The following UBE3D variants were observed in gnomAD, a reference collection of about 807,000 sequenced individuals.
The protein encoded by UBE3D is ubiquitin protein ligase E3D.
In UBE3D, 48 loss-of-function variants were observed where a neutral mutation model predicts 49.6. The ratio of observed to expected loss-of-function variants is 0.97; its 90% confidence interval spans 0.77 to 1.23. The LOEUF is 1.23. UBE3D is among the 50% of genes most tolerant of loss of function. UBE3D has a pLI of 0.00. For missense variants in UBE3D, 452 were observed against 468.4 expected, an observed-to-expected ratio of 0.96 and a Z score of 0.32; for synonymous variants, 189 against 174.2, an observed-to-expected ratio of 1.08 and a Z score of -0.67.
intron 8 of UBE3D, among the ~76,000 whole-genome samples, chr6:82,974,201 G>A (rs982688810): frequency 6.6e-6 from 1 of 152,096 alleles, no homozygotes; most frequent in Non-Finnish European, 1.5e-5. Context: ...TAATGTGTAC[G>A]AATCATCCCC....
At chr6:83,007,046 G>T (rs1161015850) in intron 8 of UBE3D, among the ~76,000 whole-genome samples, 1 of 151,888 alleles carries the variant, frequency 6.6e-6, no homozygotes, top group Non-Finnish European at 1.5e-5. Flanking sequence ...AATATATATG[G>T]GTGTGGTTAC....
chr6:82,999,278 A>G lies in UBE3D; in HGVS notation c.1010+19695T>C, dbSNP rs141413639. Among the ~76,000 whole-genome samples, 129 of 152,304 alleles carry G rather than the reference A, an allele frequency of 8.5e-4. 1 individual carries two copies. Among genetic ancestry groups the G allele is most frequent in the African/African-American group, 3.0e-3 (125 of 41,566 alleles). On this transcript the variant is annotated intron_variant, in intron 8 of 9. Transcript: ENST00000369747. ...TCCTGCTCCTGAGGCTGGTCGGTCC[A>G]CCAGAGCTTGAGATACCAGACCTTT...
Position 83,044,539 on chromosome 6 carries a change from A to G in UBE3D, c.486T>C (p.Phe162=), listed in dbSNP as rs748765559. The change falls in exon 4 of 10, where the codon TTT becomes TTC. Residue 162 remains phenylalanine (F), a synonymous_variant. Coordinates refer to ENST00000369747, the MANE Select transcript of UBE3D (RefSeq NM_198920.3). ...TCACCAAGAAGAAAGAGTCTCCAAT[A>G]AAACAGTCATTCTCTTGCGGATGAA... ...KSLHPQENDC[F]IGDSFFLVNL... The G allele has an allele frequency of 8.7e-6, 14 of 1,614,056 alleles. No homozygotes were observed. Among genetic ancestry groups the G allele is most frequent in the South Asian group, 6.6e-5 (6 of 91,084 alleles).
chr6:83,041,689 CAA>C (rs1446872759), intron 4 of UBE3D, among the ~76,000 whole-genome samples: 1 of 151,616 alleles, frequency 6.6e-6, no homozygotes, highest in Non-Finnish European at 1.5e-5. Flanking sequence ...TCTAAGAAAA[CAA>C]AAAAGACACA....
At chr6:83,045,784 C>T (rs1051457406) in intron 3 of UBE3D, among the ~76,000 whole-genome samples, 17 of 152,190 alleles carry the variant, frequency 1.1e-4, no homozygotes, top group Non-Finnish European at 1.8e-4. Context: ...AAACTACACA[C>T]TTTGAATTCC....
chr6:82,892,764 T>C lies in UBE3D; in HGVS notation c.*258A>G, dbSNP rs113248948. On this transcript the variant is annotated 3_prime_UTR_variant, in exon 10 of 10. Coordinates refer to ENST00000369747, the MANE Select transcript of UBE3D (RefSeq NM_198920.3). The stretch of plus-strand genomic sequence containing the variant: ...TGTGAATATTCCTCTCTGTGGGAAA[T>C]AGAGATGTAACTTCTACACTTGCCT... 12,546 of 477,670 alleles carry C rather than the reference T, an allele frequency of 0.026. 220 individuals are homozygous for C. Among genetic ancestry groups the C allele is most frequent in the South Asian group, 0.036 (1,773 of 49,448 alleles). 29.6% of individuals were successfully genotyped at this position (477,670 alleles called of 1,614,324 possible). A position where few individuals can be genotyped will look rare whatever the true frequency, so the allele number is the denominator to read the frequency against.
chr6:82,937,433 C>T (rs746767596), intron 9 of UBE3D, among the ~76,000 whole-genome samples: 6 of 152,184 alleles, frequency 3.9e-5, no homozygotes, highest in Admixed American at 2.0e-4. Context: ...CAATCTTGAT[C>T]CCACTTTGTT....
chr6:82,918,400 G>C (rs539774051), intron 9 of UBE3D, among the ~76,000 whole-genome samples: 4 of 151,990 alleles, frequency 2.6e-5, no homozygotes, highest in African/African-American at 9.6e-5. Flanking sequence ...TTATTATAAA[G>C]GTACAAGGTT....
intron 8 of UBE3D, among the ~76,000 whole-genome samples, chr6:82,992,797 C>A (rs1233782548): frequency 1.3e-5 from 2 of 152,060 alleles, no homozygotes; most frequent in Non-Finnish European, 2.9e-5. Context: ...ATAGTGATGT[C>A]ATTTGACATA....
chr6:83,057,814 A>AAT lies in UBE3D; in HGVS notation c.274+10_274+11dup. The AAT allele has an allele frequency of 6.2e-7, 1 of 1,612,906 alleles. No homozygotes were observed. Among genetic ancestry groups the AAT allele is most frequent in the East Asian group, 2.2e-5 (1 of 44,874 alleles). On this transcript the variant is annotated intron_variant, in intron 2 of 9. Transcript: ENST00000369747. ...AGGTAAATACAGCAGCAGAAGTGCT[A>AAT]ATATTACTCACTTGTGCCTAATTTT... is the stretch of plus-strand genomic sequence containing the variant.
At chr6:83,043,882 C>A (rs551590832) in intron 4 of UBE3D, among the ~76,000 whole-genome samples, 1 of 152,324 alleles carries the variant, frequency 6.6e-6, no homozygotes, top group African/African-American at 2.4e-5. Context: ...ACTTATGCAG[C>A]AAGAGCCACC....
chr6:82,935,424 G>A (rs1458584442), intron 9 of UBE3D, among the ~76,000 whole-genome samples: 2 of 151,974 alleles, frequency 1.3e-5, no homozygotes, highest in Admixed American at 1.3e-4. Flanking sequence ...ATTTGGATGG[G>A]GACAAATATT....
intron 3 of UBE3D, among the ~76,000 whole-genome samples, chr6:83,048,007 G>A (rs907143229): frequency 6.0e-5 from 9 of 150,592 alleles, no homozygotes; most frequent in Non-Finnish European, 1.2e-4. Flanking sequence ...GCCTGAACCC[G>A]GGAGGCGGAG....
At chr6:82,882,058 ATTCCCTACTG>A in the UBE3D span, among the ~76,000 whole-genome samples, 2 of 152,116 alleles carry the variant, frequency 1.3e-5, no homozygotes, top group Non-Finnish European at 2.9e-5. Context: ...AAAGGAACCG[ATTCCCTACTG>A]TTCATCTTAC....
intron 3 of UBE3D, among the ~76,000 whole-genome samples, chr6:83,047,142 G>C (rs1161805616): frequency 6.6e-6 from 1 of 152,154 alleles, no homozygotes; most frequent in African/African-American, 2.4e-5. Context: ...CTGGAATTAA[G>C]GGGTTAAAAA....
chr6:83,047,864 C>T (rs534496941), intron 3 of UBE3D, among the ~76,000 whole-genome samples: 90 of 151,986 alleles, frequency 5.9e-4, no homozygotes, highest in African/African-American at 2.1e-3. Flanking sequence ...GGGCGGATTA[C>T]GAGGTCAGGA....
At chr6:82,892,172 G>T (rs1562055984), downstream of UBE3D, among the ~76,000 whole-genome samples, 1 of 152,198 alleles carries the variant, frequency 6.6e-6, no homozygotes, top group South Asian at 2.1e-4. Flanking sequence ...AAAGGAGGAT[G>T]TCAGAGAGAG....
intron 3 of UBE3D, among the ~76,000 whole-genome samples, chr6:83,046,979 T>C: frequency 6.6e-6 from 1 of 152,192 alleles, no homozygotes; most frequent in African/African-American, 2.4e-5. Context: ...AATATGAAGG[T>C]AGATGCCATA....
intron 9 of UBE3D, among the ~76,000 whole-genome samples, chr6:82,955,507 C>T (rs933027012): frequency 1.3e-5 from 2 of 152,182 alleles, no homozygotes; most frequent in African/African-American, 4.8e-5. Flanking sequence ...TGTTAAGTTT[C>T]TTGTCTCTCC....
Sources: allele counts gnomAD v4.1 joint callset (sites outside exome capture counted in the v4.1 genomes callset), GRCh38; gene constraint gnomAD v4.1.1; transcripts MANE v1.5; gene names NCBI Gene and HGNC (gene_info 2026-07-23, HGNC 2026-07-21).